The following CCNY variants were observed in gnomAD, a reference collection of about 807,000 sequenced individuals.
CCNY encodes cyclin-Y.
CCNY carries 19 observed loss-of-function variants against 42.8 expected under a neutral mutation model. The observed-to-expected ratio is 0.44, with a 90% CI of 0.31 to 0.65. The LOEUF is 0.65. Among genes scored for constraint, CCNY ranks in the 30% least tolerant of loss-of-function variants. The pLI, the probability that CCNY is intolerant of heterozygous loss-of-function variation, is 0.07. For missense variants in CCNY, 370 were observed against 437.3 expected (o/e 0.85, Z 1.37); for synonymous variants, 165 against 162.7 (o/e 1.01, Z -0.11).
At chr10:35,529,865 G>A (rs1200698931) in intron 5 of CCNY, 108 bp from the exon 6 acceptor site, 55 of 1,050,496 alleles carry the variant, frequency 5.2e-5, no homozygotes, top group African/African-American at 6.6e-5. Flanking sequence ...GTGAGACTCC[G>A]TATCCCAAAA....
At chr10:35,500,198 T>A (rs1840083361) in intron 2 of CCNY, among the ~76,000 whole-genome samples, 1 of 152,244 alleles carries the variant, frequency 6.6e-6, no homozygotes, top group Non-Finnish European at 1.5e-5. Context: ...TGCACATGCG[T>A]CCATCCGATG....
chr10:35,534,895 G>A (rs1840848503), intron 7 of CCNY, among the ~76,000 whole-genome samples: 1 of 150,990 alleles, frequency 6.6e-6, no homozygotes, highest in Non-Finnish European at 1.5e-5. Context: ...CATCCATGTT[G>A]TAGCATGTAT....
intron 3 of CCNY, among the ~76,000 whole-genome samples, chr10:35,325,877 G>C (rs1314106461): frequency 6.6e-6 from 1 of 151,938 alleles, no homozygotes; most frequent in South Asian, 2.1e-4. Context: ...TCAGAAGTTC[G>C]AGACCAGCCT....
At chr10:35,477,561 A>G (rs75715455) in intron 1 of CCNY, among the ~76,000 whole-genome samples, 1 of 152,112 alleles carries the variant, frequency 6.6e-6, no homozygotes, top group African/African-American at 2.4e-5. Context: ...AATAGATGCA[A>G]AGAAGGCCTT....
chr10:35,269,325 T>G (rs1413355718), intron 3 of CCNY, among the ~76,000 whole-genome samples: 2 of 152,048 alleles, frequency 1.3e-5, no homozygotes, highest in Non-Finnish European at 2.9e-5. Context: ...TGCTTTCTTT[T>G]TTGTTTTTTG....
chr10:35,295,438 G>T (rs1434693159), intron 3 of CCNY, among the ~76,000 whole-genome samples: 1 of 151,830 alleles, frequency 6.6e-6, no homozygotes, highest in East Asian at 2.0e-4. Flanking sequence ...CTCCATGTTG[G>T]TCAGGCTGGT....
chr10:35,286,655 C>CTT lies in CCNY; in HGVS notation c.-9+36048_-9+36049dup, dbSNP rs1192327536. Among the ~76,000 whole-genome samples the CTT allele has an allele frequency of 1.1e-3, 127 of 112,226 alleles. 1 individual carries two copies. The highest frequency in any genetic ancestry group is 2.8e-3 in the African/African-American group (84 of 30,026). The allele number at this position is 112,226 out of a possible 152,430, so 73.6% of individuals were successfully genotyped here. A position where few individuals can be genotyped will look rare whatever the true frequency, so the allele number is the denominator to read the frequency against. On this transcript the variant is annotated intron_variant, in intron 3 of 11. Transcript: ENST00000374706. ...ACAGGCGTGAGCCACCGTGCCCAGCCTTTTTTTTTTTTTTTTTTTTGAGAT... is the reference window on the plus strand; with the variant it reads ...ACAGGCGTGAGCCACCGTGCCCAGCCTTTTTTTTTTTTTTTTTTTTTTGAGAT...
intron 1 of CCNY, among the ~76,000 whole-genome samples, chr10:35,361,146 T>G (rs996678510): frequency 6.6e-6 from 1 of 152,220 alleles, no homozygotes; most frequent in Non-Finnish European, 1.5e-5. Flanking sequence ...CATGAGCCAC[T>G]GCACCTGGCC....
chr10:35,379,273 C>T (rs1009372404), intron 1 of CCNY, among the ~76,000 whole-genome samples: 8 of 152,112 alleles, frequency 5.3e-5, no homozygotes, highest in South Asian at 2.1e-4. Context: ...TGGGGCTGGT[C>T]GAAGGCTTCC....
intron 1 of CCNY, among the ~76,000 whole-genome samples, chr10:35,350,578 T>A (rs1836408144): frequency 6.6e-6 from 1 of 152,228 alleles, no homozygotes; most frequent in Admixed American, 6.5e-5. Context: ...CATGATGACC[T>A]GGCCCCCCGA....
chr10:35,276,771 C>A (rs1205451798), intron 3 of CCNY, among the ~76,000 whole-genome samples: 2 of 152,204 alleles, frequency 1.3e-5, no homozygotes, highest in Non-Finnish European at 2.9e-5. Flanking sequence ...AATTTTGGGG[C>A]CCCTCTCACT....
intron 3 of CCNY, among the ~76,000 whole-genome samples, chr10:35,257,275 T>C (rs1324464666): frequency 6.7e-6 from 1 of 149,672 alleles, no homozygotes; most frequent in African/African-American, 2.5e-5. Flanking sequence ...CCTTTCTTTT[T>C]TTCCTTTCTT....
intron 3 of CCNY, among the ~76,000 whole-genome samples, chr10:35,507,708 C>T (rs919430525): frequency 6.6e-6 from 1 of 152,064 alleles, no homozygotes; most frequent in Admixed American, 6.5e-5. Context: ...TTGGCATGCA[C>T]GCTCTATGTC....
chr10:35,446,967 A>C (rs867024338), intron 1 of CCNY, among the ~76,000 whole-genome samples: 40 of 152,236 alleles, frequency 2.6e-4, no homozygotes, highest in African/African-American at 8.7e-4. Flanking sequence ...ACATATAGTT[A>C]CCATGTAGGT....
chr10:35,421,727 C>T (rs914969013), intron 1 of CCNY, among the ~76,000 whole-genome samples: 2 of 152,186 alleles, frequency 1.3e-5, no homozygotes, highest in Non-Finnish European at 2.9e-5. Context: ...CCGTTCCCTA[C>T]AGCTCATCCT....
At chr10:35,318,211 G>A (rs1835782724) in intron 3 of CCNY, among the ~76,000 whole-genome samples, 1 of 151,896 alleles carries the variant, frequency 6.6e-6, no homozygotes, top group South Asian at 2.1e-4. Context: ...CAAGGTGACA[G>A]AGCAGACCCT....
chr10:35,520,755 T>G (rs1840531048), intron 4 of CCNY, among the ~76,000 whole-genome samples: 1 of 152,168 alleles, frequency 6.6e-6, no homozygotes, highest in Non-Finnish European at 1.5e-5. Context: ...GACATAATTT[T>G]TTATTTTGAG....
At position 35,530,581 on chromosome 10, in the gene CCNY, T is replaced by C. The variant is rs995633101; in HGVS notation, c.579+338T>C. Among the ~76,000 whole-genome samples the C allele has an allele frequency of 2.0e-5, 3 of 152,200 alleles. No homozygotes were observed. The highest frequency in any genetic ancestry group is 7.2e-5 in the African/African-American group (3 of 41,440). The stretch of plus-strand genomic sequence containing the variant: ...ACTCCCTGTATACGTCTAGGTTTCC[T>C]GGTGTTGATTCCCTACAAAGATTGT... On this transcript the variant is annotated intron_variant, in intron 7 of 9. Transcript: ENST00000374704. This position sits in a 1 kb window ranked among gnomAD's most constrained non-coding sequence, Gnocchi z 4.3.
intron 1 of CCNY, among the ~76,000 whole-genome samples, chr10:35,406,945 T>A (rs1405094154): frequency 2.6e-5 from 4 of 152,120 alleles, no homozygotes; most frequent in Admixed American, 2.6e-4. Flanking sequence ...GGGAGCGGAT[T>A]GGGTAATAAA....
Sources: allele counts gnomAD v4.1 joint callset (sites outside exome capture counted in the v4.1 genomes callset), GRCh38; gene constraint gnomAD v4.1.1; non-coding constraint Gnocchi (gnomAD v3.1); transcripts MANE v1.5; gene names NCBI Gene and HGNC (gene_info 2026-07-23, HGNC 2026-07-21).